Variants in FBN2 observed in about 807,000 individuals in gnomAD.
FBN2 encodes fibrillin 2.
In FBN2, 105 loss-of-function variants were observed where a neutral mutation model predicts 355.6. That is an observed-to-expected ratio of 0.30 (90% confidence interval 0.25 to 0.35). FBN2 has a LOEUF of 0.35. Ranked by LOEUF, FBN2 falls within the 10% of genes least tolerant of loss-of-function variation. The pLI is 1.00. For synonymous variants in FBN2, 1,350 were observed against 1,301.2 expected (o/e 1.04, Z -0.81); for missense variants, 3,280 against 3,758.7 (o/e 0.87, Z 3.33).
At chr5:128,301,680 T>C (rs1010094431) in intron 46 of FBN2, among the ~76,000 whole-genome samples, 170 bp from the exon 47 acceptor site, 1 of 152,218 alleles carries the variant, frequency 6.6e-6, no homozygotes, top group African/African-American at 2.4e-5. Flanking sequence ...ATATAATTAA[T>C]AGGATCCCAT....
intron 59 of FBN2, among the ~76,000 whole-genome samples, 179 bp from the exon 60 acceptor site, chr5:128,274,862 G>C (rs1765350046): frequency 6.6e-6 from 1 of 152,130 alleles, no homozygotes; most frequent in Non-Finnish European, 1.5e-5. Context: ...TATTTAAGCA[G>C]AATAAATATT....
At chr5:128,443,681 A>G (rs1336744956) in intron 7 of FBN2, among the ~76,000 whole-genome samples, 1 of 152,228 alleles carries the variant, frequency 6.6e-6, no homozygotes, top group Non-Finnish European at 1.5e-5. Context: ...CTAGTAACTT[A>G]AAGACCAAAA....
At chr5:128,420,849 A>G (rs114998951) in intron 7 of FBN2, among the ~76,000 whole-genome samples, 69 of 152,326 alleles carry the variant, frequency 4.5e-4, no homozygotes, top group African/African-American at 1.6e-3. Context: ...CCAAATACCT[A>G]AATGTGAAAC....
intron 5 of FBN2, among the ~76,000 whole-genome samples, chr5:128,492,725 C>T (rs755506453): frequency 6.9e-6 from 1 of 144,376 alleles, no homozygotes; most frequent in African/African-American, 2.7e-5. Flanking sequence ...TTCACTTGAA[C>T]CTGGGAGGCA....
rs199499983 is a variant in FBN2, at chr5:128,276,024, G to A, written c.7594+14C>T. On this transcript the variant is annotated intron_variant, in intron 59 of 64. Transcript: ENST00000262464. ...ACAGACTAGGGTCACGATTGTCAGA[G>A]ACTCTTCACTCACCTTTGCATGTCT... 3.5e-5 allele frequency: 57 copies of A among 1,613,342 alleles called. No individual in the cohort carries two copies. In the East Asian group the frequency reaches 1.3e-3, roughly 36 times the overall value.
At position 128,374,735 on chromosome 5, in the gene FBN2, T is replaced by G. The variant is rs863223556; in HGVS notation, c.1988A>C (p.Gln663Pro). The G allele has an allele frequency of 1.2e-6, 2 of 1,613,916 alleles. No homozygotes were observed. The highest frequency in any genetic ancestry group is 1.7e-6 in the Non-Finnish European group (2 of 1,179,874). ...GRYCTDVDECQTPGICMNGHC... is the reference protein window; with the variant it reads ...GRYCTDVDECPTPGICMNGHC... Reference sequence around the variant, plus strand: ...CCCATTCATGCAGATTCCTGGGGTCTGGCATTCATCAACATCTGTGCAGTG... The same window carrying G: ...CCCATTCATGCAGATTCCTGGGGTCGGGCATTCATCAACATCTGTGCAGTG... The change falls in exon 15 of 65, where the codon CAG becomes CCG. Residue 663 changes from glutamine (Q) to proline (P), a missense_variant. This residue lies in a region of FBN2 where 2,284 missense variants were observed against 2,749.5 expected (regional missense o/e 0.83). Transcript: ENST00000262464.
chr5:128,331,393 A>G (rs1750688246), intron 32 of FBN2, among the ~76,000 whole-genome samples: 1 of 152,152 alleles, frequency 6.6e-6, no homozygotes, highest in African/African-American at 2.4e-5. Context: ...CAAGGAGGAA[A>G]AGAGCTCAGT....
chr5:128,330,738 T>A, intron 32 of FBN2, 43 bp from the exon 33 acceptor site: 1 of 1,607,140 alleles, frequency 6.2e-7, no homozygotes, highest in Non-Finnish European at 8.5e-7. Flanking sequence ...AAATGGAACA[T>A]TTAAGCACCT....
chr5:128,408,000 G>T (rs1752975569), intron 8 of FBN2, among the ~76,000 whole-genome samples: 1 of 152,110 alleles, frequency 6.6e-6, no homozygotes, highest in Non-Finnish European at 1.5e-5. Flanking sequence ...AGATAACAGT[G>T]CCTCTTTTTT....
intron 23 of FBN2, among the ~76,000 whole-genome samples, chr5:128,346,071 T>C (rs993862616): frequency 2.0e-5 from 3 of 152,168 alleles, no homozygotes; most frequent in Non-Finnish European, 4.4e-5. Context: ...TTTTTTTTTT[T>C]CTCCTGCCAA....
chr5:128,463,807 G>A (rs1406975208), intron 6 of FBN2, among the ~76,000 whole-genome samples: 1 of 152,026 alleles, frequency 6.6e-6, no homozygotes, highest in Non-Finnish European at 1.5e-5. Flanking sequence ...AAAGACTTTG[G>A]ATCTAACTTT....
In FBN2 at chr5:128,318,209, G is replaced by C. The variant is rs370210353; in HGVS notation, c.4657C>G (p.Arg1553Gly). ...VNGLCVNTPG[R>G]YECNCPPDFQ... Reference sequence around the variant, plus strand: ...TCGGGTGGGCAGTTACACTCATAGCGACCAGGCGTGTTGACACATAGGCCA... The same window carrying C: ...TCGGGTGGGCAGTTACACTCATAGCCACCAGGCGTGTTGACACATAGGCCA... Residue 1553 changes from arginine to glycine, a missense_variant, in exon 36 of 65, where the codon CGC becomes GGC. Physicochemically the swap from Arg to Gly is moderately radical, Grantham distance 125 (BLOSUM62 -2). Around this residue, in one of 6 missense-constraint regions of FBN2, gnomAD observed 2,284 missense variants for 2,749.5 expected, o/e 0.83. Transcript: ENST00000262464. 1 of 1,613,744 alleles carries C rather than the reference G, an allele frequency of 6.2e-7. No homozygotes were observed. The highest frequency in any genetic ancestry group is 8.5e-7 in the Non-Finnish European group (1 of 1,179,676).
chr5:128,388,644 A>G (rs1246141215), intron 11 of FBN2, among the ~76,000 whole-genome samples: 1 of 152,174 alleles, frequency 6.6e-6, no homozygotes, highest in Non-Finnish European at 1.5e-5. Flanking sequence ...CTTTTCTTTA[A>G]GAATGCTGAA....
rs751400994 is a variant in FBN2, at chr5:128,330,590, T to A, written c.4328A>T (p.Asp1443Val). ...RCACSEGFTGDGFTCSDVDEC... is the reference protein window; with the variant it reads ...RCACSEGFTGVGFTCSDVDEC... ...TCACCCACCTGAGCAGGTAAAGCCA[T>A]CACCAGTGAAACCTTCGGAGCAGGC... Residue 1443 changes from aspartate to valine, a missense_variant, in exon 33 of 65, where the codon GAT becomes GTT. Transcript: ENST00000262464. The A allele has an allele frequency of 1.0e-4, 169 of 1,613,996 alleles. No homozygotes were observed. Among genetic ancestry groups the A allele is most frequent in the Non-Finnish European group, 1.3e-4 (153 of 1,180,006 alleles).
rs1304399489 is a variant in FBN2, at chr5:128,374,787, G to C, written c.1973-37C>G. The C allele has an allele frequency of 4.3e-6, 7 of 1,612,730 alleles. No homozygotes were observed. In the African/African-American group the frequency reaches 9.4e-5, roughly 22 times the overall value. On this transcript the variant is annotated intron_variant, in intron 14 of 64. Coordinates refer to ENST00000262464, the MANE Select transcript of FBN2 (RefSeq NM_001999.4). ...GTGACAGAAGCCAAGCAGTTACTGG[G>C]TAAATTTAACGTTATTACAGGGTTT...
At chr5:128,503,937 C>G (rs1755882750) in intron 5 of FBN2, among the ~76,000 whole-genome samples, 1 of 152,064 alleles carries the variant, frequency 6.6e-6, no homozygotes, top group South Asian at 2.1e-4. Flanking sequence ...TGGGCCTGGT[C>G]CCCAGGCCCC....
At chr5:128,421,113 A>T (rs1753340667) in intron 7 of FBN2, among the ~76,000 whole-genome samples, 1 of 152,354 alleles carries the variant, frequency 6.6e-6, no homozygotes, top group Non-Finnish European at 1.5e-5. Flanking sequence ...CCATGACCTG[A>T]GGGCATTTAC....
intron 11 of FBN2, among the ~76,000 whole-genome samples, chr5:128,391,254 A>G (rs1478556515): frequency 6.6e-6 from 1 of 152,146 alleles, no homozygotes; most frequent in Non-Finnish European, 1.5e-5. Flanking sequence ...CCATCTATGT[A>G]TCTGCTTGAG....
Position 128,434,424 on chromosome 5 carries a change from A to ATATATATATATATATATATATATATATG in FBN2, c.952+12056_952+12057insCATATATATATATATATATATATATATA, listed in dbSNP as rs1168426536. ...TATATATATATATATATATATATAT[A>ATATATATATATATATATATATATATATG]TGGGCAGTAAGTGACAGCACTGGCG... On this transcript the variant is annotated intron_variant, in intron 7 of 64. Coordinates refer to ENST00000262464, the MANE Select transcript of FBN2 (RefSeq NM_001999.4). Among the ~76,000 whole-genome samples the ATATATATATATATATATATATATATATG allele has an allele frequency of 2.9e-3, 376 of 130,278 alleles. 19 individuals carry two copies. Among genetic ancestry groups the ATATATATATATATATATATATATATATG allele is most frequent in the Non-Finnish European group, 3.7e-3 (231 of 62,530 alleles). 85.5% of individuals were successfully genotyped at this position (130,278 alleles called of 152,430 possible). A position where few individuals can be genotyped will look rare whatever the true frequency, so the allele number is the denominator to read the frequency against.
Sources: allele counts gnomAD v4.1 joint callset (sites outside exome capture counted in the v4.1 genomes callset), GRCh38; gene constraint gnomAD v4.1.1; regional missense constraint gnomAD v4.1.1; transcripts MANE v1.5; gene names NCBI Gene and HGNC (gene_info 2026-07-23, HGNC 2026-07-21).